Variants in GRIK2 observed in about 807,000 individuals in gnomAD.
GRIK2 encodes glutamate receptor ionotropic, kainate 2.
Under a neutral mutation model 100.3 loss-of-function variants are expected in GRIK2, and 32 were observed. The observed-to-expected ratio is 0.32, with a 90% confidence interval of 0.24 to 0.43. The LOEUF is 0.43. Ranked by LOEUF, GRIK2 falls within the 20% of genes least tolerant of loss-of-function variation. The probability of loss-of-function intolerance (pLI) is 1.00; values close to 1 mark genes in which losing one functional copy is unlikely to be tolerated. For synonymous variants in GRIK2, 417 were observed against 389.4 expected, an observed-to-expected ratio of 1.07 and a Z score of -0.83; for missense variants, 843 against 1,114.9, an observed-to-expected ratio of 0.76 and a Z score of 3.47.
intron 7 of GRIK2, among the ~76,000 whole-genome samples, chr6:101,768,397 T>A (rs993509463): frequency 2.6e-5 from 4 of 152,182 alleles, no homozygotes; most frequent in Non-Finnish European, 5.9e-5. Flanking sequence ...TCCCCAGTGA[T>A]ATTACCACCT....
At chr6:101,917,727 TC>T (rs1044815347) in intron 12 of GRIK2, among the ~76,000 whole-genome samples, 5 of 151,622 alleles carry the variant, frequency 3.3e-5, no homozygotes, top group Non-Finnish European at 7.4e-5. Flanking sequence ...TATTCTTTTT[TC>T]CCCACAAATA....
intron 14 of GRIK2, among the ~76,000 whole-genome samples, chr6:102,004,835 C>A (rs1050643617): frequency 6.6e-6 from 1 of 151,580 alleles, no homozygotes; most frequent in Admixed American, 6.6e-5. Context: ...GTTAAACTGC[C>A]CCCCCACCAC....
At chr6:101,536,015 G>A (rs1450365013) in intron 2 of GRIK2, among the ~76,000 whole-genome samples, 1 of 150,828 alleles carries the variant, frequency 6.6e-6, no homozygotes, top group African/African-American at 2.5e-5. Flanking sequence ...TATGGTAGCA[G>A]ATAGGAAATC....
chr6:101,640,019 A>C (rs533162764), intron 4 of GRIK2, among the ~76,000 whole-genome samples: 8 of 152,302 alleles, frequency 5.3e-5, no homozygotes, highest in Admixed American at 3.9e-4. Context: ...TTATTTTACT[A>C]TTCATAAATA....
chr6:102,019,656 T>C lies in GRIK2; in HGVS notation c.2086-15685T>C, dbSNP rs114119762. Among the ~76,000 whole-genome samples the C allele has an allele frequency of 4.0e-3, 611 of 152,118 alleles. 5 individuals are homozygous for C. The highest frequency in any genetic ancestry group is 0.014 in the African/African-American group (580 of 41,556). ...TGTCAGTCTTTTCAGTTTATCACTT[T>C]TCAACCAGTTTAGGATTATGAGCTT... is the stretch of plus-strand genomic sequence containing the variant. On this transcript the variant is annotated intron_variant, in intron 14 of 16. Transcript: ENST00000369134.
intron 2 of GRIK2, among the ~76,000 whole-genome samples, chr6:101,525,744 AT>A (rs1192789984): frequency 2.0e-5 from 3 of 152,234 alleles, no homozygotes; most frequent in African/African-American, 7.2e-5. Flanking sequence ...AATTTCAAAC[AT>A]GACCTGAGTG....
intron 2 of GRIK2, among the ~76,000 whole-genome samples, chr6:101,485,878 A>G (rs1284997094): frequency 4.6e-5 from 7 of 150,904 alleles, no homozygotes; most frequent in African/African-American, 1.7e-4. Flanking sequence ...TCTGGTTGGT[A>G]TAAAACGTAA....
At chr6:101,693,949 T>C (rs1387589385) in intron 7 of GRIK2, among the ~76,000 whole-genome samples, 1 of 152,020 alleles carries the variant, frequency 6.6e-6, no homozygotes, top group Non-Finnish European at 1.5e-5. Context: ...ACCAATGATA[T>C]GAGGAAGTCT....
intron 7 of GRIK2, among the ~76,000 whole-genome samples, chr6:101,755,636 G>A (rs773747026): frequency 3.3e-5 from 5 of 152,036 alleles, no homozygotes; most frequent in African/African-American, 4.8e-5. Context: ...GCCTTAGCTC[G>A]TCAGATACAT....
chr6:101,548,122 T>G (rs1196616020), intron 2 of GRIK2, among the ~76,000 whole-genome samples: 1 of 152,160 alleles, frequency 6.6e-6, no homozygotes, highest in African/African-American at 2.4e-5. Flanking sequence ...TGTCTTCTTT[T>G]GAGAAGTGTC....
At chr6:101,794,938 T>C (rs1364245949) in intron 7 of GRIK2, among the ~76,000 whole-genome samples, 2 of 151,832 alleles carry the variant, frequency 1.3e-5, no homozygotes, top group Non-Finnish European at 2.9e-5. Context: ...CCATCTTGGC[T>C]GACTGCAACT....
intron 7 of GRIK2, among the ~76,000 whole-genome samples, chr6:101,735,030 A>G (rs1775541262): frequency 1.3e-5 from 2 of 152,204 alleles, no homozygotes; most frequent in South Asian, 4.1e-4. Flanking sequence ...GCCAGTGGCT[A>G]GATTTAGCAA....
intron 10 of GRIK2, among the ~76,000 whole-genome samples, chr6:101,821,984 T>C (rs73512776): frequency 0.072 from 11,012 of 152,112 alleles, 417 homozygotes; most frequent in African/African-American, 0.095. Context: ...TAAAAAATGA[T>C]GAGGTATTCT....
chr6:101,942,151 C>G (rs756941136), intron 14 of GRIK2, among the ~76,000 whole-genome samples: 1 of 151,958 alleles, frequency 6.6e-6, no homozygotes, highest in Non-Finnish European at 1.5e-5. Flanking sequence ...GATGTTTTTC[C>G]TTGATGTGAT....
intron 16 of GRIK2, among the ~76,000 whole-genome samples, chr6:102,059,662 A>AT (rs1242335990): frequency 6.6e-6 from 1 of 150,910 alleles, no homozygotes; most frequent in African/African-American, 2.4e-5. Context: ...AATAATTTTA[A>AT]TTTTTATAAA....
intron 2 of GRIK2, among the ~76,000 whole-genome samples, chr6:101,505,198 G>C (rs1773961427): frequency 1.3e-5 from 2 of 151,784 alleles, no homozygotes; most frequent in African/African-American, 4.8e-5. Context: ...ATACATTTCT[G>C]TTTCATTTTC....
At chr6:101,722,456 G>A (rs1186515598) in intron 7 of GRIK2, among the ~76,000 whole-genome samples, 3 of 151,912 alleles carry the variant, frequency 2.0e-5, no homozygotes, top group African/African-American at 4.8e-5. Context: ...TTATACTTAC[G>A]TCTTTCACAA....
intron 7 of GRIK2, among the ~76,000 whole-genome samples, chr6:101,698,068 T>C (rs1054074298): frequency 2.6e-5 from 4 of 152,232 alleles, no homozygotes; most frequent in Non-Finnish European, 4.4e-5. Context: ...ATTTACTTAC[T>C]TTTAAATTTA....
chr6:101,397,167 T>A (rs1775041810), intron 1 of GRIK2, among the ~76,000 whole-genome samples: 1 of 152,216 alleles, frequency 6.6e-6, no homozygotes, highest in Non-Finnish European at 1.5e-5. Flanking sequence ...AATTTCAGTA[T>A]TTTGATTAGT....
Sources: allele counts gnomAD v4.1 joint callset (sites outside exome capture counted in the v4.1 genomes callset), GRCh38; gene constraint gnomAD v4.1.1; transcripts MANE v1.5; gene names NCBI Gene and HGNC (gene_info 2026-07-23, HGNC 2026-07-21).